Variants in ADGB observed in about 807,000 individuals in gnomAD.
The protein encoded by ADGB is androglobin, also known as calpain-7-like protein.
A neutral mutation model predicts 210.5 loss-of-function variants in ADGB; 172 were observed. The ratio of observed to expected loss-of-function variants is 0.82; its 90% confidence interval spans 0.72 to 0.93. The LOEUF (loss-of-function observed/expected upper bound fraction) is 0.93. Among genes scored for constraint, ADGB ranks in the 40% least tolerant of loss-of-function variants. The pLI, the probability that ADGB is intolerant of heterozygous loss-of-function variation, is 0.00. For missense variants in ADGB, 2,025 were observed against 1,964.8 expected (o/e 1.03, Z -0.58); for synonymous variants, 658 against 662.7 (o/e 0.99, Z 0.11).
intron 23 of ADGB, among the ~76,000 whole-genome samples, chr6:146,740,177 CT>C (rs1406569113): frequency 6.6e-6 from 1 of 152,148 alleles, no homozygotes; most frequent in East Asian, 1.9e-4. Flanking sequence ...GGTTTTCCCC[CT>C]GTAAACTTTA....
At chr6:146,604,568 C>CA (rs890765843) in intron 1 of ADGB, among the ~76,000 whole-genome samples, 2,762 of 138,148 alleles carry the variant, frequency 0.02, 71 homozygotes, top group African/African-American at 0.059. Context: ...TTAAAAATGA[C>CA]AAAAAAAAAA....
intron 26 of ADGB, 52 bp from the exon 27 acceptor site, chr6:146,752,478 T>C: frequency 9.6e-6 from 14 of 1,464,408 alleles, no homozygotes; most frequent in Non-Finnish European, 1.2e-5. Context: ...CTTACTGACT[T>C]GAGAGAAAGA....
Position 146,599,025 on chromosome 6 carries a change from T to G in ADGB, c.-16T>G. On this transcript the variant is annotated 5_prime_UTR_variant, in exon 1 of 36. Coordinates refer to ENST00000397944, the MANE Select transcript of ADGB (RefSeq NM_024694.4). Reference sequence around the variant, plus strand: ...TCTTTGCTCAGAGCTCAGCCCTACATAGATCGGCTTCTGCCATGGCCTCCA... The same window carrying G: ...TCTTTGCTCAGAGCTCAGCCCTACAGAGATCGGCTTCTGCCATGGCCTCCA... The G allele has an allele frequency of 3.9e-6, 6 of 1,550,452 alleles. No individual in the cohort carries two copies. The highest frequency in any genetic ancestry group is 4.4e-6 in the Non-Finnish European group (5 of 1,145,814).
intron 29 of ADGB, among the ~76,000 whole-genome samples, chr6:146,777,240 T>C (rs1422539130): frequency 2.0e-5 from 3 of 152,138 alleles, no homozygotes. Flanking sequence ...GATTCAACTC[T>C]TATCAGTTGG....
intron 13 of ADGB, among the ~76,000 whole-genome samples, chr6:146,706,848 T>TTG (rs1014048648): frequency 4.0e-5 from 6 of 149,006 alleles, no homozygotes; most frequent in Non-Finnish European, 6.0e-5. Flanking sequence ...GCTTAGTGTT[T>TTG]TTTTTTTTTT....
At chr6:146,656,638 G>T in intron 4 of ADGB, 133 bp from the exon 5 acceptor site, 1 of 612,786 alleles carries the variant, frequency 1.6e-6, no homozygotes, top group East Asian at 3.1e-5. Flanking sequence ...GATCAGAAAT[G>T]AAAGTATGGA....
At chr6:146,634,269 T>G (rs1389676852) in intron 1 of ADGB, among the ~76,000 whole-genome samples, 7 of 152,140 alleles carry the variant, frequency 4.6e-5, no homozygotes, top group Admixed American at 3.9e-4. Flanking sequence ...GTAAGCACAC[T>G]CTGTTGTTTG....
intron 4 of ADGB, 52 bp from the exon 5 acceptor site, chr6:146,656,719 A>C (rs1775786468): frequency 7.9e-7 from 1 of 1,261,460 alleles, no homozygotes; most frequent in African/African-American, 1.5e-5. Flanking sequence ...CCTAAATTAC[A>C]GTACCTACAA....
intron 1 of ADGB, among the ~76,000 whole-genome samples, chr6:146,626,645 CT>C (rs1271768770): frequency 2.0e-5 from 3 of 151,596 alleles, no homozygotes; most frequent in Admixed American, 2.0e-4. Flanking sequence ...CTGTTCTTTT[CT>C]TTTTTCCTCT....
intron 33 of ADGB, among the ~76,000 whole-genome samples, chr6:146,797,958 G>A (rs1388555811): frequency 2.0e-5 from 3 of 146,732 alleles, no homozygotes; most frequent in African/African-American, 7.8e-5. Context: ...AATAGTTGGA[G>A]ATTCAGCAGT....
chr6:146,778,014 A>G (rs954859545), intron 29 of ADGB, among the ~76,000 whole-genome samples: 17 of 150,458 alleles, frequency 1.1e-4, no homozygotes, highest in African/African-American at 3.8e-4. Context: ...ATTTTGTGAC[A>G]ACAAACACAG....
intron 35 of ADGB, among the ~76,000 whole-genome samples, chr6:146,807,144 T>TA (rs745894150): frequency 9.2e-5 from 14 of 152,096 alleles, no homozygotes; most frequent in Non-Finnish European, 1.0e-4. Flanking sequence ...ATACCTTTGG[T>TA]AAAAAAAAGT....
chr6:146,740,808 C>T (rs181312601), intron 24 of ADGB, among the ~76,000 whole-genome samples: 1 of 152,044 alleles, frequency 6.6e-6, no homozygotes, highest in East Asian at 1.9e-4. Flanking sequence ...TTATTAGAAG[C>T]TTTTATGTTC....
In ADGB at chr6:146,610,927, A is replaced by T. The variant is rs139967682; in HGVS notation, c.74+11813A>T. 3.5e-3 allele frequency among the ~76,000 whole-genome samples: 529 copies of T among 152,146 alleles called. 3 individuals carry two copies. Among genetic ancestry groups the T allele is most frequent in the Middle Eastern group, 6.8e-3 (2 of 294 alleles). On this transcript the variant is annotated intron_variant, in intron 1 of 35. Coordinates refer to ENST00000397944, the MANE Select transcript of ADGB (RefSeq NM_024694.4). The stretch of plus-strand genomic sequence containing the variant: ...ACATGCACGCTGGCATGGACAGGCC[A>T]GTGGTGGGGTGATGGGGTCTGCATG...
intron 35 of ADGB, chr6:146,803,019 T>C: frequency 6.2e-7 from 1 of 1,606,362 alleles, no homozygotes; most frequent in Non-Finnish European, 8.5e-7. Flanking sequence ...TTCTTCAAAT[T>C]TGCTTTTAAG....
chr6:146,676,374 C>G lies in ADGB; in HGVS notation c.1149C>G (p.Phe383Leu), dbSNP rs536043937. Reference sequence around the variant, plus strand: ...GCAAAGATGGAGAAAAAGAAAAATTCAAATTCTCACTTCATGGTTCAAGAC... The same window carrying G: ...GCAAAGATGGAGAAAAAGAAAAATTGAAATTCTCACTTCATGGTTCAAGAC... ...KRSKDGEKEK[F>L]KFSLHGSRPS... Residue 383 changes from phenylalanine (F) to leucine (L), a missense_variant, in exon 9 of 36, where the codon TTC (phenylalanine) becomes TTG (leucine). Physicochemically the swap from Phe to Leu is conservative, Grantham distance 22. Transcript: ENST00000397944. The G allele has an allele frequency of 1.2e-4, 189 of 1,548,816 alleles. 1 individual carries two copies. The Admixed American group carries it at 3.6e-3, about 29-fold the overall frequency.
chr6:146,604,054 C>T (rs1214873865), intron 1 of ADGB, among the ~76,000 whole-genome samples: 4 of 152,180 alleles, frequency 2.6e-5, no homozygotes, highest in Non-Finnish European at 4.4e-5. Context: ...GTGAAACTGT[C>T]AACAACCCAA....
intron 3 of ADGB, among the ~76,000 whole-genome samples, chr6:146,651,858 GA>G (rs548613176): frequency 9.5e-4 from 144 of 152,144 alleles, no homozygotes; most frequent in Non-Finnish European, 6.3e-4. Flanking sequence ...AGCAAGAAAG[GA>G]AAAAAAGTTT....
At chr6:146,623,978 A>G (rs2114846563) in intron 1 of ADGB, among the ~76,000 whole-genome samples, 2 of 151,834 alleles carry the variant, frequency 1.3e-5, no homozygotes, top group South Asian at 4.2e-4. Context: ...GCTTTATTTG[A>G]TCTGTCTAGA....
Sources: gnomAD v4.1 joint callset for allele counts (sites outside exome capture counted in the v4.1 genomes callset) on GRCh38, gnomAD v4.1.1 for gene constraint, MANE v1.5 for transcripts, NCBI Gene and HGNC (gene_info 2026-07-23, HGNC 2026-07-21) for gene names.